Variants in GOLGA8A observed in about 807,000 individuals in gnomAD.
GOLGA8A encodes golgin subfamily A member 8A.
Under a neutral mutation model 22.1 loss-of-function variants are expected in GOLGA8A, and 3 were observed. The observed-to-expected ratio is 0.14, with a 90% CI of 0.06 to 0.35. The LOEUF (loss-of-function observed/expected upper bound fraction) is 0.35, where lower values mean the gene tolerates loss of function less well. Among genes scored for constraint, GOLGA8A ranks in the 10% least tolerant of loss-of-function variants. GOLGA8A has a pLI of 1.00. For missense variants in GOLGA8A, 16 were observed against 233.2 expected (o/e 0.07, Z 6.07); for synonymous variants, 7 against 91.7 (o/e 0.08, Z 5.28).
At chr15:34,434,872 C>T (rs896568315) in intron 2 of GOLGA8A, among the ~76,000 whole-genome samples, 1 of 149,618 alleles carries the variant, frequency 6.7e-6, no homozygotes, top group Non-Finnish European at 1.5e-5. Flanking sequence ...TGAGGACACA[C>T]AGCCTGTGAG....
In GOLGA8A at chr15:34,379,185, T is replaced by C. The variant is rs1362967061; in HGVS notation, c.*2226A>G. The C allele has an allele frequency of 2.0e-5, 3 of 152,662 alleles. No homozygotes were observed. Among genetic ancestry groups the C allele is most frequent in the African/African-American group, 7.2e-5 (3 of 41,466 alleles). 9.5% of individuals were successfully genotyped at this position (152,662 alleles called of 1,614,324 possible). A position where few individuals can be genotyped will look rare whatever the true frequency, so the allele number is the denominator to read the frequency against. ...TACACATTCTGTTAACAAGAACTCA[T>C]ACATTGGTAAAATTCATTCTAAGAA... On this transcript the variant is annotated 3_prime_UTR_variant, in exon 25 of 25. Transcript: ENST00000359187.
At chr15:34,428,093 C>CT (rs1566912740) in intron 2 of GOLGA8A, among the ~76,000 whole-genome samples, 1 of 146,392 alleles carries the variant, frequency 6.8e-6, no homozygotes. Context: ...TCAAATCAGA[C>CT]TTCTTTTTTT....
intron 2 of GOLGA8A, among the ~76,000 whole-genome samples, chr15:34,434,417 C>T (rs1893398898): frequency 6.7e-6 from 1 of 149,356 alleles, no homozygotes; most frequent in Non-Finnish European, 1.5e-5. Flanking sequence ...CATAGAGAGC[C>T]TGGCTGCATG....
chr15:34,406,085 G>A (rs1892219429), intron 4 of GOLGA8A, among the ~76,000 whole-genome samples: 1 of 116,276 alleles, frequency 8.6e-6, no homozygotes, highest in Admixed American at 8.9e-5. Flanking sequence ...GCAAGGCAGA[G>A]TTGGAGGTTC....
chr15:34,401,095 C>T (rs1251209029), intron 5 of GOLGA8A, among the ~76,000 whole-genome samples: 9 of 28,866 alleles, frequency 3.1e-4, no homozygotes. Flanking sequence ...TTAAATATAA[C>T]ACATACATTC....
At chr15:34,430,279 C>G (rs1893170068) in intron 2 of GOLGA8A, among the ~76,000 whole-genome samples, 1 of 149,318 alleles carries the variant, frequency 6.7e-6, no homozygotes, top group Admixed American at 6.8e-5. Flanking sequence ...TCTTCCCCAA[C>G]AACCGCACAT....
At chr15:34,431,798 TTA>T (rs1028177695) in intron 2 of GOLGA8A, among the ~76,000 whole-genome samples, 1 of 148,360 alleles carries the variant, frequency 6.7e-6, no homozygotes, top group African/African-American at 2.5e-5. Flanking sequence ...TTTAAATATT[TTA>T]TATATTTTTT....
rs1371418468 is a variant in GOLGA8A, at chr15:34,429,595, G to A, written c.-1123+5788C>T. Among the ~76,000 whole-genome samples the A allele has an allele frequency of 2.7e-5, 4 of 149,040 alleles. 1 individual carries two copies. The highest frequency in any genetic ancestry group is 6.0e-5 in the Non-Finnish European group (4 of 67,060). ...GGGCCTTGGACCCAGAGCCAGAATG[G>A]GGCTCTGATGCCACTGCACATTCTC... On this transcript the variant is annotated intron_variant, in intron 2 of 24. Transcript: ENST00000359187.
chr15:34,426,249 C>A (rs536283067), intron 2 of GOLGA8A, among the ~76,000 whole-genome samples: 1 of 149,842 alleles, frequency 6.7e-6, no homozygotes, highest in Non-Finnish European at 1.5e-5. Context: ...GTCAGAATAA[C>A]GCTGCTTGCG....
intron 2 of GOLGA8A, among the ~76,000 whole-genome samples, chr15:34,434,846 G>A (rs1429087404): frequency 6.7e-6 from 1 of 149,522 alleles, no homozygotes; most frequent in African/African-American, 2.5e-5. Context: ...GCAAGGGTGA[G>A]GAACTGAGAC....
chr15:34,431,308 TATA>T (rs753249835), intron 2 of GOLGA8A, among the ~76,000 whole-genome samples: 11,396 of 31,354 alleles, frequency 0.36, 1,463 homozygotes, highest in East Asian at 0.57. Context: ...TATATATATA[TATA>T]CATATATATA....
chr15:34,435,278 T>G (rs1271314833), intron 2 of GOLGA8A, 105 bp downstream of exon 2: 1 of 149,534 alleles, frequency 6.7e-6, no homozygotes, highest in Non-Finnish European at 1.5e-5. Flanking sequence ...AATCTCACCA[T>G]CAACTGTTTT....
chr15:34,419,893 T>C (rs979532517), intron 2 of GOLGA8A: 1 of 134,930 alleles, frequency 7.4e-6, no homozygotes, highest in African/African-American at 3.0e-5. Context: ...CACTCACATG[T>C]GGCACCTGGA....
At position 34,431,775 on chromosome 15, in the gene GOLGA8A, T is replaced by C. The variant is rs570127800; in HGVS notation, c.-1123+3608A>G. ...ATACCTAGGCTACATTTTAAAAAAA[T>C]ATATTTTTATTTTTTAAATATTTTA... On this transcript the variant is annotated intron_variant, in intron 2 of 24. Transcript: ENST00000359187. Among the ~76,000 whole-genome samples the C allele has an allele frequency of 2.5e-4, 37 of 148,540 alleles. 1 individual carries two copies. Among genetic ancestry groups the C allele is most frequent in the Non-Finnish European group, 1.3e-4 (9 of 66,994 alleles).
In GOLGA8A at chr15:34,435,671, G is replaced by T. The variant is rs550069193; in HGVS notation, c.-1211-200C>A. The stretch of plus-strand genomic sequence containing the variant: ...ACACACTCACACCCCGTGGGACTCA[G>T]CCTGCAGCTTCTCCCAGCCCAAGAG... On this transcript the variant is annotated intron_variant, in intron 1 of 24. Coordinates refer to ENST00000359187, the MANE Select transcript of GOLGA8A (RefSeq NM_181077.5). Among the ~76,000 whole-genome samples, 310 of 148,704 alleles carry T rather than the reference G, an allele frequency of 2.1e-3. 20 individuals are homozygous for T. Among genetic ancestry groups the T allele is most frequent in the African/African-American group, 7.0e-3 (282 of 40,284 alleles).
chr15:34,398,137 C>T (rs1235176172), intron 8 of GOLGA8A, among the ~76,000 whole-genome samples: 2 of 146,898 alleles, frequency 1.4e-5, no homozygotes, highest in South Asian at 2.1e-4. Flanking sequence ...CTTTGCAAGG[C>T]TTTCTTGGTA....
chr15:34,409,908 TGAGGGCCTCCCTGAGGAGGAG>T (rs1343394156), intron 2 of GOLGA8A: 9 of 558,204 alleles, frequency 1.6e-5, no homozygotes, highest in Non-Finnish European at 2.9e-5. Flanking sequence ...ACGACTATGA[TGAGGGCCTCCCTGAGGAGGAG>T]GAGGGCATCC....
intron 4 of GOLGA8A, among the ~76,000 whole-genome samples, chr15:34,406,000 A>C (rs1892215545): frequency 7.4e-6 from 1 of 134,954 alleles, no homozygotes; most frequent in East Asian, 2.1e-4. Flanking sequence ...GTCTGAGTGA[A>C]AGAATTGTCT....
rs572329833 is a variant in GOLGA8A at position 34,422,641 on chromosome 15, C to G, written c.-1123+12742G>C. Among the ~76,000 whole-genome samples, 135 of 72,542 alleles carry G rather than the reference C, an allele frequency of 1.9e-3. 4 individuals carry two copies. The highest frequency in any genetic ancestry group is 4.5e-3 in the African/African-American group (131 of 29,100). 47.6% of individuals were successfully genotyped at this position (72,542 alleles called of 152,430 possible). A position where few individuals can be genotyped will look rare whatever the true frequency, so the allele number is the denominator to read the frequency against. On this transcript the variant is annotated intron_variant, in intron 2 of 24. Coordinates refer to ENST00000359187, the MANE Select transcript of GOLGA8A (RefSeq NM_181077.5). ...TGGTTAAGTTCATAGGCCCCAGAGT[C>G]AGAAGGGGGTTGGAATCTCCCCTCT...
Sources: gnomAD v4.1 joint callset for allele counts (sites outside exome capture counted in the v4.1 genomes callset) on GRCh38, gnomAD v4.1.1 for gene constraint, MANE v1.5 for transcripts, NCBI Gene and HGNC (gene_info 2026-07-23, HGNC 2026-07-21) for gene names.